Variants in BCAR3 observed in about 807,000 individuals in gnomAD.
BCAR3 encodes the protein breast cancer anti-estrogen resistance protein 3.
Under a neutral mutation model 80.1 loss-of-function variants are expected in BCAR3, and 37 were observed. That is an observed-to-expected ratio of 0.46 (90% CI 0.36 to 0.61). The LOEUF (loss-of-function observed/expected upper bound fraction) is 0.61, where lower values mean the gene tolerates loss of function less well. Among genes scored for constraint, BCAR3 ranks in the 20% least tolerant of loss-of-function variants. The pLI is 0.00. For missense variants in BCAR3, 978 were observed against 1,068.2 expected, an observed-to-expected ratio of 0.92 and a Z score of 1.18; for synonymous variants, 389 against 418.9, an observed-to-expected ratio of 0.93 and a Z score of 0.87.
intron 1 of BCAR3, 74 bp from the exon 2 acceptor site, chr1:93,675,015 A>T (rs1010086469): frequency 8.2e-7 from 1 of 1,219,984 alleles, no homozygotes; most frequent in Non-Finnish European, 1.1e-6. Flanking sequence ...TTACAAAAGG[A>T]AATGGAAATA....
intron 11 of BCAR3, among the ~76,000 whole-genome samples, chr1:93,562,797 T>C (rs1173927370): frequency 6.9e-6 from 1 of 144,622 alleles, no homozygotes; most frequent in Non-Finnish European, 1.5e-5. Flanking sequence ...AAAAATAGAC[T>C]GAAAGCTTGC....
At chr1:93,764,674 C>T (rs1652079518) in intron 2 of BCAR3, among the ~76,000 whole-genome samples, 1 of 152,178 alleles carries the variant, frequency 6.6e-6, no homozygotes, top group Non-Finnish European at 1.5e-5. Context: ...GCCCCTCCTG[C>T]CTCTCTCCTC....
chr1:93,717,490 C>T (rs1650228783), intron 2 of BCAR3, among the ~76,000 whole-genome samples: 2 of 151,990 alleles, frequency 1.3e-5, no homozygotes, highest in South Asian at 2.1e-4. Flanking sequence ...TTTGGGAGGT[C>T]GAGGTAGGCG....
chr1:93,839,786 A>G (rs1179763377), intron 2 of BCAR3, among the ~76,000 whole-genome samples: 1 of 152,222 alleles, frequency 6.6e-6, no homozygotes, highest in Admixed American at 6.5e-5. Flanking sequence ...AAGGATTTAA[A>G]TTCATGCTAA....
chr1:93,575,708 A>T (rs933204332), intron 8 of BCAR3, among the ~76,000 whole-genome samples: 1 of 152,146 alleles, frequency 6.6e-6, no homozygotes, highest in Admixed American at 6.5e-5. Context: ...AGGCTGCAGG[A>T]TCTGTGACTC....
At chr1:93,655,796 C>T (rs1647355560) in intron 2 of BCAR3, among the ~76,000 whole-genome samples, 2 of 152,182 alleles carry the variant, frequency 1.3e-5, no homozygotes, top group South Asian at 2.1e-4. Flanking sequence ...ATTATGGACA[C>T]ATAAATCTTT....
In BCAR3 at chr1:93,589,059, G is replaced by C; in HGVS notation, c.847C>G (p.Pro283Ala). ...AREGSLTKGR[P>A]DVAKRLSLTM... is the part of the protein sequence containing the mutation. The stretch of plus-strand genomic sequence containing the variant: ...AGGCTCAGCCTCTTGGCCACATCCG[G>C]CCTTCCCTTGGTGAGGCTGCCCTCC... The change falls in exon 5 of 12, where the codon CCG becomes GCG. Residue 283 changes from proline (P) to alanine (A), a missense_variant. Coordinates refer to ENST00000260502, the MANE Select transcript of BCAR3 (RefSeq NM_003567.4). The C allele has an allele frequency of 1.2e-6, 2 of 1,612,150 alleles. No homozygotes were observed. Among genetic ancestry groups the C allele is most frequent in the Non-Finnish European group, 1.7e-6 (2 of 1,178,900 alleles).
At chr1:93,617,430 G>C (rs1675161782) in intron 3 of BCAR3, among the ~76,000 whole-genome samples, 1 of 152,180 alleles carries the variant, frequency 6.6e-6, no homozygotes, top group South Asian at 2.1e-4. Context: ...TTACACTGAG[G>C]CACTCTTGGG....
rs114940185 is a variant in BCAR3, at chr1:93,676,945, T to C, written c.-11-2004A>G. On this transcript the variant is annotated intron_variant, in intron 1 of 11. Coordinates refer to ENST00000260502, the MANE Select transcript of BCAR3 (RefSeq NM_003567.4). Reference sequence around the variant, plus strand: ...CCCAAGATCTACTTAGACTTCAAGATTGTCCTAAAGTGTTCTAAAATGTCC... The same window carrying C: ...CCCAAGATCTACTTAGACTTCAAGACTGTCCTAAAGTGTTCTAAAATGTCC... 8.0e-3 allele frequency among the ~76,000 whole-genome samples: 1,224 copies of C among 152,364 alleles called. 15 individuals carry two copies. Among genetic ancestry groups the C allele is most frequent in the African/African-American group, 0.028 (1,166 of 41,580 alleles).
intron 2 of BCAR3, among the ~76,000 whole-genome samples, chr1:93,782,897 T>A (rs1652812818): frequency 6.6e-6 from 1 of 152,170 alleles, no homozygotes; most frequent in Non-Finnish European, 1.5e-5. Flanking sequence ...GGAGGAGATA[T>A]TTTCAACACA....
At chr1:93,843,876 C>T (rs182729500) in intron 2 of BCAR3, among the ~76,000 whole-genome samples, 3 of 152,230 alleles carry the variant, frequency 2.0e-5, no homozygotes, top group Non-Finnish European at 4.4e-5. Flanking sequence ...CTGTATTGTC[C>T]CTACTCATTG....
intron 3 of BCAR3, among the ~76,000 whole-genome samples, chr1:93,613,178 C>T (rs148938667): frequency 5.6e-4 from 85 of 152,274 alleles, no homozygotes; most frequent in African/African-American, 1.8e-3. Context: ...CCAAGATCCA[C>T]GAAAGCCTAT....
intron 2 of BCAR3, among the ~76,000 whole-genome samples, chr1:93,772,434 T>C (rs1434530171): frequency 2.0e-5 from 3 of 152,164 alleles, no homozygotes; most frequent in African/African-American, 7.2e-5. Context: ...CACATTCAGC[T>C]CTGGGCAACA....
intron 3 of BCAR3, among the ~76,000 whole-genome samples, chr1:93,635,285 G>A (rs951571785): frequency 9.9e-5 from 15 of 152,116 alleles, no homozygotes; most frequent in Admixed American, 5.2e-4. Context: ...TTATATGGGT[G>A]TACTACTTTT....
intron 2 of BCAR3, among the ~76,000 whole-genome samples, chr1:93,830,077 T>C (rs1012212366): frequency 1.3e-5 from 2 of 152,252 alleles, no homozygotes; most frequent in Admixed American, 1.3e-4. Context: ...GTAAGTTTCC[T>C]GAGGCCTCCC....
intron 2 of BCAR3, among the ~76,000 whole-genome samples, chr1:93,835,020 GTT>G (rs1385836639): frequency 7.2e-6 from 1 of 138,066 alleles, no homozygotes; most frequent in Non-Finnish European, 1.5e-5. Flanking sequence ...GGCAGGCTAT[GTT>G]ATAGTATCTT....
At chr1:93,735,631 T>G (rs1650947818) in intron 2 of BCAR3, among the ~76,000 whole-genome samples, 1 of 152,274 alleles carries the variant, frequency 6.6e-6, no homozygotes, top group Non-Finnish European at 1.5e-5. Flanking sequence ...TTTCCTTTCC[T>G]TATTTTGAAA....
intron 2 of BCAR3, among the ~76,000 whole-genome samples, chr1:93,662,393 T>C (rs1029143640): frequency 7.2e-5 from 11 of 152,192 alleles, no homozygotes; most frequent in Non-Finnish European, 2.9e-5. Context: ...GGTGCTAGTC[T>C]TTCTTTCTCC....
chr1:93,572,115 C>A (rs1381555734), intron 8 of BCAR3, among the ~76,000 whole-genome samples: 1 of 152,150 alleles, frequency 6.6e-6, no homozygotes, highest in Admixed American at 6.5e-5. Context: ...CCTGGGGGCA[C>A]AAAGAGGGAG....
Sources: allele counts gnomAD v4.1 joint callset (sites outside exome capture counted in the v4.1 genomes callset), GRCh38; gene constraint gnomAD v4.1.1; transcripts MANE v1.5; gene names NCBI Gene and HGNC (gene_info 2026-07-23, HGNC 2026-07-21).